The following SNX29 variants were observed in gnomAD, a reference collection of about 807,000 sequenced individuals.
SNX29 encodes sorting nexin-29.
Under a neutral mutation model 102.1 loss-of-function variants are expected in SNX29, and 78 were observed. The observed-to-expected ratio is 0.76, with a 90% CI of 0.64 to 0.92. The LOEUF (loss-of-function observed/expected upper bound fraction) is 0.92. Ranked by LOEUF, SNX29 falls within the 40% of genes least tolerant of loss-of-function variation. SNX29 has a pLI of 0.00. For synonymous variants in SNX29, 580 were observed against 414.5 expected (o/e 1.40, Z -4.85); for missense variants, 1,280 against 1,061.7 (o/e 1.21, Z -2.86).
intron 18 of SNX29, among the ~76,000 whole-genome samples, chr16:12,453,097 C>G (rs2086378994): frequency 6.6e-6 from 1 of 152,174 alleles, no homozygotes; most frequent in African/African-American, 2.4e-5. Flanking sequence ...TTCATTCTCC[C>G]AGGCGTATAG....
intron 8 of SNX29, among the ~76,000 whole-genome samples, chr16:12,058,274 G>C (rs2050603495): frequency 6.6e-6 from 1 of 152,238 alleles, no homozygotes; most frequent in East Asian, 1.9e-4. Context: ...TGTGGCTGTT[G>C]GGTGGTTTAT....
In SNX29 at chr16:12,067,784, G is replaced by A. The variant is rs181596792; in HGVS notation, c.1244-1273G>A. Among the ~76,000 whole-genome samples the A allele has an allele frequency of 5.6e-4, 85 of 152,266 alleles. 1 individual carries two copies. Among genetic ancestry groups the A allele is most frequent in the East Asian group, 1.9e-4 (1 of 5,160 alleles). On this transcript the variant is annotated intron_variant, in intron 9 of 20. Transcript: ENST00000566228. ...ATTACAGGCGTGAGCCACCGCGCCTGGCCCAAGAAGTTTCTTGAGTGAGCA... is the reference window on the plus strand; with the variant it reads ...ATTACAGGCGTGAGCCACCGCGCCTAGCCCAAGAAGTTTCTTGAGTGAGCA...
intron 13 of SNX29, among the ~76,000 whole-genome samples, chr16:12,160,880 C>G (rs555804634): frequency 8.5e-5 from 13 of 152,326 alleles, no homozygotes; most frequent in Admixed American, 8.5e-4. Context: ...TGGGAGCTTT[C>G]TCTTTTGGGT....
intron 19 of SNX29, among the ~76,000 whole-genome samples, chr16:12,519,966 A>G (rs2090032948): frequency 6.6e-6 from 1 of 152,204 alleles, no homozygotes; most frequent in African/African-American, 2.4e-5. Flanking sequence ...CCTGGGCGAC[A>G]GAGCGAGACT....
At chr16:12,348,917 T>G (rs1435283736) in intron 15 of SNX29, among the ~76,000 whole-genome samples, 1 of 151,774 alleles carries the variant, frequency 6.6e-6, no homozygotes, top group African/African-American at 2.4e-5. Context: ...GCGCAGGGAG[T>G]GCCCCCTGAG....
chr16:12,508,852 G>C (rs967661861), intron 19 of SNX29, among the ~76,000 whole-genome samples: 5 of 152,008 alleles, frequency 3.3e-5, no homozygotes, highest in African/African-American at 1.2e-4. Context: ...GCTTTCTTGG[G>C]GACACACAAT....
intron 20 of SNX29, among the ~76,000 whole-genome samples, chr16:12,567,815 ACC>A (rs1427186196): frequency 4.6e-5 from 7 of 152,022 alleles, no homozygotes; most frequent in African/African-American, 1.5e-4. Flanking sequence ...CCTGCTGAGC[ACC>A]CTCTGCTCTC....
intron 20 of SNX29, among the ~76,000 whole-genome samples, chr16:12,562,689 C>T (rs953415547): frequency 2.0e-5 from 3 of 152,192 alleles, no homozygotes; most frequent in African/African-American, 2.4e-5. Context: ...GCACTGCCTT[C>T]TTTGGAGTCG....
intron 15 of SNX29, among the ~76,000 whole-genome samples, chr16:12,328,312 T>G (rs186498729): frequency 1.3e-5 from 2 of 152,372 alleles, no homozygotes; most frequent in Middle Eastern, 3.4e-3. Flanking sequence ...AGCTATAGAT[T>G]ATTTATTGTA....
chr16:12,506,804 C>G (rs565979298), intron 19 of SNX29, among the ~76,000 whole-genome samples: 1 of 152,156 alleles, frequency 6.6e-6, no homozygotes, highest in Non-Finnish European at 1.5e-5. Flanking sequence ...AAAGGTTATA[C>G]TAACCACACT....
chr16:12,408,157 C>CAAAAAAAAAAAAAAAAAA (rs1555530421), intron 18 of SNX29, among the ~76,000 whole-genome samples: 2 of 142,918 alleles, frequency 1.4e-5, no homozygotes, highest in Admixed American at 6.8e-5. Flanking sequence ...GGACCCTTCT[C>CAAAAAAAAAAAAAAAAAA]AAAAAAACAA....
At chr16:12,404,473 C>G (rs999633066) in intron 18 of SNX29, among the ~76,000 whole-genome samples, 3 of 152,154 alleles carry the variant, frequency 2.0e-5, no homozygotes, top group African/African-American at 7.2e-5. Flanking sequence ...TCTGGGACTG[C>G]TTTGTTCTCA....
chr16:12,568,785 C>T lies in SNX29; in HGVS notation c.*156C>T, dbSNP rs2079120599. On this transcript the variant is annotated 3_prime_UTR_variant, in exon 21 of 21. Transcript: ENST00000566228. ...ACAGTTACACAACACCCCGATTAAACTAATCAGTCTTCGAGCCGCATGATA... is the reference window on the plus strand; with the variant it reads ...ACAGTTACACAACACCCCGATTAAATTAATCAGTCTTCGAGCCGCATGATA... 4 of 1,184,350 alleles carry T rather than the reference C, an allele frequency of 3.4e-6. No individual in the cohort carries two copies. The highest frequency in any genetic ancestry group is 3.1e-5 in the African/African-American group (2 of 64,968). 73.4% of individuals were successfully genotyped at this position (1,184,350 alleles called of 1,614,324 possible). A position where few individuals can be genotyped will look rare whatever the true frequency, so the allele number is the denominator to read the frequency against.
chr16:12,035,214 T>C (rs1027944600), intron 4 of SNX29, among the ~76,000 whole-genome samples: 4 of 151,520 alleles, frequency 2.6e-5, no homozygotes, highest in Non-Finnish European at 4.4e-5. Flanking sequence ...CTTTTTTTTT[T>C]TTTTTTTTTT....
intron 13 of SNX29, among the ~76,000 whole-genome samples, chr16:12,146,938 A>G (rs371871606): frequency 7.9e-5 from 12 of 152,346 alleles, no homozygotes; most frequent in African/African-American, 2.4e-4. Context: ...ATAAAATGGT[A>G]GAGACAGCAT....
At chr16:12,536,752 C>T (rs1046363451) in intron 20 of SNX29, among the ~76,000 whole-genome samples, 17 of 152,180 alleles carry the variant, frequency 1.1e-4, no homozygotes, top group Middle Eastern at 3.4e-3. Flanking sequence ...TCAAGGCAGG[C>T]GGATCAGGAG....
chr16:12,172,816 C>T (rs566430142), intron 13 of SNX29, among the ~76,000 whole-genome samples: 2 of 152,234 alleles, frequency 1.3e-5, no homozygotes, highest in Non-Finnish European at 2.9e-5. Flanking sequence ...TGTGAAGTGG[C>T]ACACAGGGCA....
At chr16:12,412,112 G>C (rs923243624) in intron 18 of SNX29, among the ~76,000 whole-genome samples, 2 of 152,212 alleles carry the variant, frequency 1.3e-5, no homozygotes, top group Non-Finnish European at 2.9e-5. Flanking sequence ...GGTTACATGA[G>C]GCTTTGCGGA....
intron 19 of SNX29, among the ~76,000 whole-genome samples, chr16:12,498,924 C>G (rs530362985): frequency 1.3e-5 from 2 of 152,146 alleles, no homozygotes. Context: ...TAGGATTGAT[C>G]TGCTACTTGA....
Sources: gnomAD v4.1 joint callset for allele counts (sites outside exome capture counted in the v4.1 genomes callset) on GRCh38, gnomAD v4.1.1 for gene constraint, MANE v1.5 for transcripts, NCBI Gene and HGNC (gene_info 2026-07-23, HGNC 2026-07-21) for gene names.